Variants in KCNAB1 observed in about 807,000 individuals in gnomAD.
KCNAB1 encodes the protein potassium voltage-gated channel subfamily A regulatory beta subunit 1.
Under a neutral mutation model 64.6 loss-of-function variants are expected in KCNAB1, and 35 were observed. The ratio of observed to expected loss-of-function variants is 0.54; its 90% CI spans 0.41 to 0.72. KCNAB1 has a LOEUF of 0.72. Among genes scored for constraint, KCNAB1 ranks in the 30% least tolerant of loss-of-function variants. KCNAB1 has a pLI of 0.00. For synonymous variants in KCNAB1, 177 were observed against 183.8 expected (o/e 0.96, Z 0.30); for missense variants, 401 against 512.9 (o/e 0.78, Z 2.11).
intron 8 of KCNAB1, among the ~76,000 whole-genome samples, chr3:156,480,509 A>T (rs1324428160): frequency 6.6e-6 from 1 of 151,882 alleles, no homozygotes; most frequent in East Asian, 1.9e-4. Flanking sequence ...ACAAACTTGC[A>T]CGTCCTGCAC....
chr3:156,238,756 C>A (rs1294432928), intron 1 of KCNAB1, among the ~76,000 whole-genome samples: 6 of 152,154 alleles, frequency 3.9e-5, no homozygotes, highest in African/African-American at 1.4e-4. Flanking sequence ...TGATTCACCT[C>A]ACTGGCACAT....
At chr3:156,322,665 CTT>C (rs778783984) in intron 1 of KCNAB1, among the ~76,000 whole-genome samples, 1 of 152,114 alleles carries the variant, frequency 6.6e-6, no homozygotes, top group Non-Finnish European at 1.5e-5. Context: ...CAATAGGAAA[CTT>C]AGGGTCTGAG....
chr3:156,236,716 A>G (rs938534328), intron 1 of KCNAB1, among the ~76,000 whole-genome samples: 5 of 151,766 alleles, frequency 3.3e-5, no homozygotes, highest in Non-Finnish European at 7.4e-5. Context: ...TTGTCTACCA[A>G]TGCTGCCACT....
At chr3:156,305,492 T>C (rs569931840) in intron 1 of KCNAB1, among the ~76,000 whole-genome samples, 1 of 152,320 alleles carries the variant, frequency 6.6e-6, no homozygotes, top group Admixed American at 6.5e-5. Context: ...TAATTCTCTA[T>C]GAGACTTGTC....
At chr3:156,291,553 G>A in intron 1 of KCNAB1, 1 of 1,182,322 alleles carries the variant, frequency 8.5e-7, no homozygotes, top group South Asian at 1.8e-5. Context: ...TGAATGCTCA[G>A]CTCTAGGCTT....
At chr3:156,399,899 CCTTTGGA>C (rs1166538621) in intron 1 of KCNAB1, among the ~76,000 whole-genome samples, 1 of 152,198 alleles carries the variant, frequency 6.6e-6, no homozygotes, top group East Asian at 1.9e-4. Context: ...CATAACTCTT[CCTTTGGA>C]CTTTTGACTA....
chr3:156,190,285 C>T (rs950526413), intron 1 of KCNAB1, among the ~76,000 whole-genome samples: 26 of 152,218 alleles, frequency 1.7e-4, no homozygotes, highest in African/African-American at 5.3e-4. Flanking sequence ...TTTTCCTTAC[C>T]GCTAGGACCA....
At chr3:156,434,097 G>A (rs1396081187) in intron 2 of KCNAB1, among the ~76,000 whole-genome samples, 1 of 152,186 alleles carries the variant, frequency 6.6e-6, no homozygotes, top group Non-Finnish European at 1.5e-5. Context: ...AGCCATGTGG[G>A]AGAGAAAAAT....
chr3:156,164,346 T>G (rs1716247983), intron 1 of KCNAB1, among the ~76,000 whole-genome samples: 1 of 152,166 alleles, frequency 6.6e-6, no homozygotes, highest in Non-Finnish European at 1.5e-5. Context: ...GGTTTAGATG[T>G]TACCAATGAG....
chr3:156,298,835 A>G (rs925778450), intron 1 of KCNAB1, among the ~76,000 whole-genome samples: 1 of 152,230 alleles, frequency 6.6e-6, no homozygotes, highest in Non-Finnish European at 1.5e-5. Flanking sequence ...AGTTAATCAT[A>G]TTGTATGCTT....
chr3:156,125,101 G>C (rs906395531), intron 1 of KCNAB1, among the ~76,000 whole-genome samples: 29 of 151,354 alleles, frequency 1.9e-4, no homozygotes, highest in African/African-American at 5.9e-4. Context: ...TTACTCCACT[G>C]CACTCCAGCC....
intron 1 of KCNAB1, among the ~76,000 whole-genome samples, chr3:156,128,760 G>A (rs1713815220): frequency 6.6e-6 from 1 of 152,296 alleles, no homozygotes; most frequent in African/African-American, 2.4e-5. Context: ...TGGGGGGCAT[G>A]TGGAAATTAA....
chr3:156,397,573 C>T (rs556067692), intron 1 of KCNAB1, among the ~76,000 whole-genome samples: 2 of 152,270 alleles, frequency 1.3e-5, no homozygotes, highest in South Asian at 4.1e-4. Flanking sequence ...GAAACTATAA[C>T]AGTTTGGCTC....
At chr3:156,321,033 T>A (rs1722621437) in intron 1 of KCNAB1, among the ~76,000 whole-genome samples, 1 of 152,130 alleles carries the variant, frequency 6.6e-6, no homozygotes, top group South Asian at 2.1e-4. Flanking sequence ...CCAATATTAT[T>A]TGCTAATATT....
chr3:156,170,926 T>C (rs1038564676), intron 1 of KCNAB1, among the ~76,000 whole-genome samples: 10 of 152,300 alleles, frequency 6.6e-5, no homozygotes, highest in Admixed American at 5.9e-4. Flanking sequence ...ACTAATATGA[T>C]GTTTTGACTC....
intron 1 of KCNAB1, 101 bp from the exon 2 acceptor site, chr3:156,421,515 C>A: frequency 1.7e-6 from 2 of 1,145,964 alleles, no homozygotes; most frequent in Non-Finnish European, 2.6e-6. Context: ...TCTATCAGGA[C>A]TCATCAAGAA....
At chr3:156,184,022 A>T (rs1689744952) in intron 1 of KCNAB1, among the ~76,000 whole-genome samples, 1 of 152,230 alleles carries the variant, frequency 6.6e-6, no homozygotes, top group South Asian at 2.1e-4. Context: ...TAAATAAGTT[A>T]GTATACATAA....
At chr3:156,171,644 A>G (rs1413121454) in intron 1 of KCNAB1, among the ~76,000 whole-genome samples, 2 of 152,212 alleles carry the variant, frequency 1.3e-5, no homozygotes, top group African/African-American at 4.8e-5. Context: ...AGCCAATTGC[A>G]AGAAAGAGTC....
At chr3:156,224,183 C>G (rs1715990582) in intron 1 of KCNAB1, among the ~76,000 whole-genome samples, 1 of 152,244 alleles carries the variant, frequency 6.6e-6, no homozygotes, top group African/African-American at 2.4e-5. Context: ...CCTCTCACTG[C>G]CTGGGGTCAG....
Sources: allele counts gnomAD v4.1 joint callset (sites outside exome capture counted in the v4.1 genomes callset), GRCh38; gene constraint gnomAD v4.1.1; transcripts MANE v1.5; gene names NCBI Gene and HGNC (gene_info 2026-07-23, HGNC 2026-07-21).